The following SYNJ1 variants were observed in gnomAD, a reference collection of about 807,000 sequenced individuals.
The protein encoded by SYNJ1 is polyphosphatidylinositol phosphatase SYNJ1.
Under a neutral mutation model 168.2 loss-of-function variants are expected in SYNJ1, and 78 were observed. That is an observed-to-expected ratio of 0.46 (90% CI 0.39 to 0.56). The LOEUF (loss-of-function observed/expected upper bound fraction) is 0.56. SYNJ1 is among the 20% of genes least tolerant of loss of function. The probability of loss-of-function intolerance (pLI) is 0.00; values close to 1 mark genes in which losing one functional copy is unlikely to be tolerated. For synonymous variants in SYNJ1, 539 were observed against 548.6 expected (o/e 0.98, Z 0.24); for missense variants, 1,303 against 1,597.6 (o/e 0.82, Z 3.14).
chr21:32,666,151 T>G lies in SYNJ1; in HGVS notation c.1953-16A>C, dbSNP rs1298698476. On this transcript the variant is annotated splice_polypyrimidine_tract_variant and intron_variant, in intron 16 of 32. Coordinates refer to ENST00000674351, the MANE Select transcript of SYNJ1 (RefSeq NM_203446.3). Reference sequence around the variant, plus strand: ...TGCAACATCCCTTTGAAACAAAGAATTCTAAATCGCAGATTTGAAATTTCA... The same window carrying G: ...TGCAACATCCCTTTGAAACAAAGAAGTCTAAATCGCAGATTTGAAATTTCA... 6 of 1,577,456 alleles carry G rather than the reference T, an allele frequency of 3.8e-6. No homozygotes were observed. The highest frequency in any genetic ancestry group is 4.3e-6 in the Non-Finnish European group (5 of 1,162,952).
At chr21:32,671,009 C>G (rs2041165050) in intron 14 of SYNJ1, among the ~76,000 whole-genome samples, 1 of 152,046 alleles carries the variant, frequency 6.6e-6, no homozygotes, top group Admixed American at 6.6e-5. Context: ...GGACAAATAG[C>G]TAGAAAGAGC....
rs148576574 is a variant in SYNJ1, at chr21:32,673,185, T to C, written c.1726+155A>G. Among the ~76,000 whole-genome samples the C allele has an allele frequency of 7.1e-3, 1,085 of 152,348 alleles. 5 individuals carry two copies. Among genetic ancestry groups the C allele is most frequent in the Non-Finnish European group, 0.012 (820 of 68,034 alleles). ...AAATTTTAAAAAGCTGAGATTTTAATAGATGTGATCTTTAAAGATGTTGTT... is the reference window on the plus strand; with the variant it reads ...AAATTTTAAAAAGCTGAGATTTTAACAGATGTGATCTTTAAAGATGTTGTT... On this transcript the variant is annotated intron_variant, in intron 14 of 32. Coordinates refer to ENST00000674351, the MANE Select transcript of SYNJ1 (RefSeq NM_203446.3).
In SYNJ1 at chr21:32,678,746, C is replaced by G. The variant is rs531923537; in HGVS notation, c.1409G>C (p.Ser470Thr). 6.2e-7 allele frequency: 1 copy of G among 1,613,434 alleles called. No individual in the cohort carries two copies. The highest frequency in any genetic ancestry group is 2.2e-5 in the East Asian group (1 of 44,812). ...AACATCAATGGCCTCTTGCTTGGAGCTGTCAAAGAAGTTATTCTGAATTGT... is the reference window on the plus strand; with the variant it reads ...AACATCAATGGCCTCTTGCTTGGAGGTGTCAAAGAAGTTATTCTGAATTGT... ...TRTIQNNFFD[S>T]SKQEAIDVLL... The change falls in exon 12 of 33, where the codon AGC (serine) becomes ACC (threonine). Residue 470 changes from serine (S) to threonine (T), a missense_variant. Physicochemically the swap from Ser to Thr is moderately conservative, Grantham distance 58. Coordinates refer to ENST00000674351, the MANE Select transcript of SYNJ1 (RefSeq NM_203446.3).
At chr21:32,670,621 T>C (rs750114455) in intron 14 of SYNJ1, 32 of 345,494 alleles carry the variant, frequency 9.3e-5, no homozygotes, top group Non-Finnish European at 4.1e-5. Flanking sequence ...CAGAATTCAC[T>C]TTGAAAAAAC....
intron 6 of SYNJ1, among the ~76,000 whole-genome samples, chr21:32,689,196 T>TTCTC (rs1431308851): frequency 2.0e-5 from 3 of 152,214 alleles, no homozygotes; most frequent in Admixed American, 6.5e-5. Context: ...ATTTAAACAT[T>TTCTC]TCTCTCTGAG....
In SYNJ1 at chr21:32,639,272, T is replaced by C. The variant is rs936234686; in HGVS notation, c.3698-147A>G. On this transcript the variant is annotated intron_variant, in intron 30 of 32. Transcript: ENST00000674351. ...CTTGTGGTATAATGAAGGAAGGATA[T>C]AGCTATCTGAATATATGTTGTAGAA... The C allele has an allele frequency of 5.7e-5, 42 of 738,396 alleles. No individual in the cohort carries two copies. In the East Asian group the frequency reaches 1.1e-3, roughly 19 times the overall value. The allele number at this position is 738,396 out of a possible 1,614,324, so 45.7% of individuals were successfully genotyped here.
Position 32,643,436 on chromosome 21 carries a change from G to A in SYNJ1, c.3452C>T (p.Pro1151Leu), listed in dbSNP as rs759691158. The A allele has an allele frequency of 1.2e-6, 2 of 1,613,722 alleles. No individual in the cohort carries two copies. The highest frequency in any genetic ancestry group is 1.1e-5 in the South Asian group (1 of 91,034). ...TTCCATCTCTCTCCTAGCTACCCCA[G>A]GACTGGGAGGGGCTCCAATACCTTT... Reference protein sequence around the residue: ...EFGGIGAPPSPGVARREMEAP... With the variant: ...EFGGIGAPPSLGVARREMEAP... Residue 1151 changes from proline to leucine, a missense_variant, in exon 27 of 33, where the codon CCT (proline) becomes CTT (leucine). Physicochemically the swap from Pro to Leu is moderately conservative, Grantham distance 98. Transcript: ENST00000674351.
At chr21:32,653,504 G>T in intron 21 of SYNJ1, 138 bp from the exon 22 acceptor site, 1 of 650,012 alleles carries the variant, frequency 1.5e-6, no homozygotes, top group Non-Finnish European at 2.7e-6. Flanking sequence ...CGCAGGTAGG[G>T]CTGGTGGTGA....
intron 31 of SYNJ1, among the ~76,000 whole-genome samples, chr21:32,637,079 G>A (rs2039600135): frequency 6.6e-6 from 1 of 152,116 alleles, no homozygotes; most frequent in South Asian, 2.1e-4. Context: ...TACAATCTCA[G>A]CTAACAGTTT....
rs1162798894 is a variant in SYNJ1, at chr21:32,656,798, G to C, written c.2684C>G (p.Thr895Arg). ...VIAVQGPPDG[T>R]VLVSIKSSLP... ...AGAACTTTTGATTGAGACCAATACT[G>C]TACCATCTGGTGGACCCTGAACTGC... The change falls in exon 21 of 33, where the codon ACA becomes AGA. Residue 895 changes from threonine (T) to arginine (R), a missense_variant. Physicochemically the swap from Thr to Arg is moderately conservative, Grantham distance 71. Transcript: ENST00000674351. 3 of 1,613,960 alleles carry C rather than the reference G, an allele frequency of 1.9e-6. No individual in the cohort carries two copies. Among genetic ancestry groups the C allele is most frequent in the Non-Finnish European group, 1.7e-6 (2 of 1,180,016 alleles).
At chr21:32,663,330 G>T (rs1319807798) in intron 18 of SYNJ1, among the ~76,000 whole-genome samples, 2 of 152,222 alleles carry the variant, frequency 1.3e-5, no homozygotes, top group Non-Finnish European at 2.9e-5. Flanking sequence ...GACAGAAACT[G>T]TATAATGGTA....
rs1052345712 is a variant in SYNJ1 at position 32,666,115 on chromosome 21, A to G, written c.1973T>C (p.Val658Ala). 2 of 1,604,146 alleles carry G rather than the reference A, an allele frequency of 1.2e-6. No individual in the cohort carries two copies. The highest frequency in any genetic ancestry group is 1.7e-6 in the Non-Finnish European group (2 of 1,176,820). ...PFIRDVAVDT[V>A]KTGMGGATGN... is the part of the protein sequence containing the mutation. ...AGTTGCACCTCCCATTCCAGTCTTC[A>G]CAGTATCAACTGCAACATCCCTTTG... is the stretch of plus-strand genomic sequence containing the variant. The change falls in exon 17 of 33, where the codon GTG (valine) becomes GCG (alanine). Residue 658 changes from valine to alanine, a missense_variant. Transcript: ENST00000674351.
rs760299495 is a variant in SYNJ1, at chr21:32,631,127, G to A, written c.*678C>T. The A allele has an allele frequency of 6.2e-7, 1 of 1,613,918 alleles. No homozygotes were observed. The highest frequency in any genetic ancestry group is 1.7e-5 in the Admixed American group (1 of 60,018). On this transcript the variant is annotated 3_prime_UTR_variant, in exon 33 of 33. Coordinates refer to ENST00000674351, the MANE Select transcript of SYNJ1 (RefSeq NM_203446.3). ...GAGGTCTTCTTGACGGCAACACACA[G>A]AAGGAGACATTTGTACCTTTATTCC...
In SYNJ1 at chr21:32,636,863, A is replaced by G. The variant is rs12626193; in HGVS notation, c.3916-1979T>C. Among the ~76,000 whole-genome samples the G allele has an allele frequency of 1.1e-3, 170 of 152,244 alleles. 1 individual carries two copies. The East Asian group carries it at 0.031, about 27-fold the overall frequency. On this transcript the variant is annotated intron_variant, in intron 31 of 32. Transcript: ENST00000674351. The stretch of plus-strand genomic sequence containing the variant: ...TTTGATATCAATGACTGAGGCAAAA[A>G]GATACTTCAGGATTTGAAACAAATA...
intron 2 of SYNJ1, among the ~76,000 whole-genome samples, 166 bp from the exon 3 acceptor site, chr21:32,702,213 G>C (rs2042430824): frequency 6.6e-6 from 1 of 152,194 alleles, no homozygotes; most frequent in Non-Finnish European, 1.5e-5. Context: ...TTCCCAAAGA[G>C]TTAATAAATT....
intron 23 of SYNJ1, among the ~76,000 whole-genome samples, chr21:32,647,880 T>C (rs1253941383): frequency 6.6e-6 from 1 of 152,214 alleles, no homozygotes; most frequent in Non-Finnish European, 1.5e-5. Context: ...CATGATTTGC[T>C]GGTTTGCTCT....
At chr21:32,713,244 T>C (rs2042894627) in intron 2 of SYNJ1, among the ~76,000 whole-genome samples, 1 of 148,768 alleles carries the variant, frequency 6.7e-6, no homozygotes, top group African/African-American at 2.5e-5. Context: ...ACATGGATGA[T>C]TTCCCATATA....
Position 32,700,038 on chromosome 21 carries a change from A to G in SYNJ1, c.279T>C (p.Ser93=). 6.2e-7 allele frequency: 1 copy of G among 1,614,222 alleles called. No individual in the cohort carries two copies. The highest frequency in any genetic ancestry group is 8.5e-7 in the Non-Finnish European group (1 of 1,180,042). ...CAGTGGAAGTAACTCGGAAAACTTCAGATTCTTGAATTTTTCCAACAGACA... is the reference window on the plus strand; with the variant it reads ...CAGTGGAAGTAACTCGGAAAACTTCGGATTCTTGAATTTTTCCAACAGACA... ...GCMSVGKIQE[S]EVFRVTSTEF... The change falls in exon 4 of 33, where the codon TCT becomes TCC. Residue 93 remains serine (S), a synonymous_variant. Transcript: ENST00000674351.
chr21:32,724,215 C>T (rs1397776042), intron 2 of SYNJ1, among the ~76,000 whole-genome samples: 16 of 152,030 alleles, frequency 1.1e-4, no homozygotes, highest in Non-Finnish European at 2.1e-4. Flanking sequence ...GGGCTGGGCG[C>T]GGTGGCTCAC....
Sources: allele counts gnomAD v4.1 joint callset (sites outside exome capture counted in the v4.1 genomes callset), GRCh38; gene constraint gnomAD v4.1.1; transcripts MANE v1.5; gene names NCBI Gene and HGNC (gene_info 2026-07-23, HGNC 2026-07-21).